The following SCFD2 variants were observed in gnomAD, a reference collection of about 807,000 sequenced individuals.
SCFD2 encodes the protein sec1 family domain-containing protein 2.
In SCFD2, 54 loss-of-function variants were observed where a neutral mutation model predicts 58.9. The ratio of observed to expected loss-of-function variants is 0.92; its 90% CI spans 0.74 to 1.15. The LOEUF is 1.15. SCFD2 is among the 50% of genes most tolerant of loss of function. The pLI, the probability that SCFD2 is intolerant of heterozygous loss-of-function variation, is 0.00. For synonymous variants in SCFD2, 321 were observed against 335.9 expected (o/e 0.96, Z 0.49); for missense variants, 805 against 836.6 (o/e 0.96, Z 0.47).
intron 5 of SCFD2, among the ~76,000 whole-genome samples, chr4:53,005,074 T>G (rs1297987306): frequency 6.6e-6 from 1 of 152,136 alleles, no homozygotes; most frequent in Non-Finnish European, 1.5e-5. Context: ...ATTTTTGTAT[T>G]TTTAGTAGAG....
intron 1 of SCFD2, among the ~76,000 whole-genome samples, chr4:53,356,441 A>C (rs1734401915): frequency 6.6e-6 from 1 of 152,080 alleles, no homozygotes; most frequent in Non-Finnish European, 1.5e-5. Context: ...ATATAGAGAG[A>C]GAGAGACAAG....
intron 4 of SCFD2, among the ~76,000 whole-genome samples, chr4:53,215,707 C>T (rs574324978): frequency 6.6e-6 from 1 of 152,256 alleles, no homozygotes; most frequent in East Asian, 1.9e-4. Flanking sequence ...TGAGAGAGGG[C>T]ATCCCTGTCT....
intron 4 of SCFD2, among the ~76,000 whole-genome samples, chr4:53,254,588 C>T (rs1259160448): frequency 1.3e-5 from 2 of 151,520 alleles, no homozygotes; most frequent in Non-Finnish European, 2.9e-5. Flanking sequence ...ATCCACCCAC[C>T]TCAGCCTCCC....
At chr4:52,926,086 C>T (rs1719856755) in intron 5 of SCFD2, among the ~76,000 whole-genome samples, 1 of 152,054 alleles carries the variant, frequency 6.6e-6, no homozygotes, top group Admixed American at 6.5e-5. Context: ...CCATTTCCAG[C>T]CCCAACATAA....
At chr4:53,156,353 T>A (rs1440967753) in intron 4 of SCFD2, among the ~76,000 whole-genome samples, 2 of 141,022 alleles carry the variant, frequency 1.4e-5, no homozygotes, top group Non-Finnish European at 3.0e-5. Flanking sequence ...GAGCTGAAGA[T>A]CATGCCATTG....
intron 5 of SCFD2, chr4:52,948,852 C>A (rs149240748): frequency 5.4e-6 from 1 of 184,078 alleles, no homozygotes; most frequent in Non-Finnish European, 1.1e-5. Flanking sequence ...TCTCTTTCTC[C>A]CACATCCCGC....
intron 7 of SCFD2, among the ~76,000 whole-genome samples, chr4:52,901,606 G>A (rs141887762): frequency 6.6e-6 from 1 of 152,268 alleles, no homozygotes; most frequent in African/African-American, 2.4e-5. Flanking sequence ...CATCTTGGAG[G>A]TGAATCCTTC....
At chr4:53,063,881 T>C (rs774421398) in intron 5 of SCFD2, among the ~76,000 whole-genome samples, 1 of 151,982 alleles carries the variant, frequency 6.6e-6, no homozygotes, top group Non-Finnish European at 1.5e-5. Context: ...CTTATCAGAA[T>C]TTTTTTTCTA....
chr4:53,285,241 C>T (rs1272652490), intron 3 of SCFD2, among the ~76,000 whole-genome samples: 1 of 152,120 alleles, frequency 6.6e-6, no homozygotes, highest in Non-Finnish European at 1.5e-5. Context: ...CTAACTTAAA[C>T]ACTACCTCAA....
In SCFD2 at chr4:52,982,636, T is replaced by A. The variant is rs1370964056; in HGVS notation, c.1562-61766A>T. 2.0e-5 allele frequency among the ~76,000 whole-genome samples: 3 copies of A among 152,310 alleles called. No individual in the cohort carries two copies. The East Asian group carries it at 5.8e-4, about 29-fold the overall frequency. Reference sequence around the variant, plus strand: ...ATCCAATCTCTAAAAATTGATTCATTTATAAGATAGTTCAAATTGTCTTCC... The same window carrying A: ...ATCCAATCTCTAAAAATTGATTCATATATAAGATAGTTCAAATTGTCTTCC... On this transcript the variant is annotated intron_variant, in intron 5 of 8. Transcript: ENST00000401642.
At chr4:53,204,148 C>T (rs559825474) in intron 4 of SCFD2, among the ~76,000 whole-genome samples, 2 of 152,150 alleles carry the variant, frequency 1.3e-5, no homozygotes, top group South Asian at 4.1e-4. Flanking sequence ...AACCTCAAAG[C>T]CACAAACCCC....
intron 4 of SCFD2, among the ~76,000 whole-genome samples, chr4:53,162,699 T>C (rs1227804977): frequency 1.5e-5 from 2 of 137,594 alleles, no homozygotes; most frequent in East Asian, 4.3e-4. Context: ...GGGACTGTTG[T>C]GGGGTGGGGG....
At chr4:53,099,659 C>T (rs1419522224) in intron 5 of SCFD2, among the ~76,000 whole-genome samples, 8 of 152,128 alleles carry the variant, frequency 5.3e-5, no homozygotes, top group South Asian at 2.1e-4. Flanking sequence ...AGGTGTCAGC[C>T]TGTTTTTAAC....
intron 4 of SCFD2, among the ~76,000 whole-genome samples, chr4:53,267,058 G>A (rs1465853900): frequency 2.0e-5 from 3 of 152,158 alleles, no homozygotes; most frequent in Non-Finnish European, 4.4e-5. Context: ...TAGAAGAAAT[G>A]CAGTAACCTA....
intron 3 of SCFD2, among the ~76,000 whole-genome samples, chr4:53,299,621 G>A (rs1433945980): frequency 6.6e-6 from 1 of 151,866 alleles, no homozygotes; most frequent in Non-Finnish European, 1.5e-5. Context: ...TCCTCGAGAA[G>A]AGCAACTCCA....
chr4:53,207,931 G>A (rs767117218), intron 4 of SCFD2, among the ~76,000 whole-genome samples: 1 of 149,976 alleles, frequency 6.7e-6, no homozygotes, highest in African/African-American at 2.4e-5. Flanking sequence ...CTCAGTCTCA[G>A]GTATTTCTTT....
chr4:52,878,146 C>T (rs772725823), intron 8 of SCFD2, among the ~76,000 whole-genome samples: 11 of 152,202 alleles, frequency 7.2e-5, no homozygotes, highest in Admixed American at 2.0e-4. Flanking sequence ...TGGTATCTCA[C>T]GGTATTCCCT....
intron 5 of SCFD2, chr4:52,955,943 C>T (rs576921039): frequency 1.2e-5 from 5 of 405,288 alleles, no homozygotes; most frequent in South Asian, 5.5e-5. Context: ...AAGATAATCC[C>T]TTACATTAAC....
chr4:53,189,127 C>A (rs1022017657), intron 4 of SCFD2, among the ~76,000 whole-genome samples: 1 of 152,192 alleles, frequency 6.6e-6, no homozygotes, highest in Non-Finnish European at 1.5e-5. Flanking sequence ...GAAAGAAGCA[C>A]GTTCCTTTTG....
Sources: gnomAD v4.1 joint callset for allele counts (sites outside exome capture counted in the v4.1 genomes callset) on GRCh38, gnomAD v4.1.1 for gene constraint, MANE v1.5 for transcripts, NCBI Gene and HGNC (gene_info 2026-07-23, HGNC 2026-07-21) for gene names.